Variants in ZDHHC17 observed in about 807,000 individuals in gnomAD.
ZDHHC17 encodes zDHHC palmitoyltransferase 17, also known as palmitoyltransferase ZDHHC17.
ZDHHC17 carries 40 observed loss-of-function variants against 90.3 expected under a neutral mutation model. The observed-to-expected ratio is 0.44, with a 90% CI of 0.34 to 0.58. The LOEUF (loss-of-function observed/expected upper bound fraction) is 0.58, where lower values mean the gene tolerates loss of function less well. Among genes scored for constraint, ZDHHC17 ranks in the 20% least tolerant of loss-of-function variants. The probability of loss-of-function intolerance (pLI) is 0.01; values close to 1 mark genes in which losing one functional copy is unlikely to be tolerated. For synonymous variants in ZDHHC17, 235 were observed against 252.4 expected, an observed-to-expected ratio of 0.93 and a Z score of 0.65; for missense variants, 614 against 780.8, an observed-to-expected ratio of 0.79 and a Z score of 2.55.
Position 76,764,262 on chromosome 12 carries a change from C to G in ZDHHC17, c.26C>G (p.Thr9Ser). MQREEGFN[T>S]KMADGPDEYD... ...ATGCAGCGGGAGGAGGGATTTAACACCAAGATGGCGGACGGCCCGGATGAG... is the reference window on the plus strand; with the variant it reads ...ATGCAGCGGGAGGAGGGATTTAACAGCAAGATGGCGGACGGCCCGGATGAG... Residue 9 changes from threonine (T) to serine (S), a missense_variant, in exon 1 of 17, where the codon ACC becomes AGC. By Grantham distance (58) the Thr-to-Ser change is moderately conservative. Transcript: ENST00000426126. The G allele has an allele frequency of 6.2e-7, 1 of 1,606,056 alleles. No individual in the cohort carries two copies. Among genetic ancestry groups the G allele is most frequent in the Non-Finnish European group, 8.5e-7 (1 of 1,176,382 alleles).
At position 76,815,865 on chromosome 12, in the gene ZDHHC17, C is replaced by A; in HGVS notation, c.617C>A (p.Pro206Gln). Residue 206 changes from proline (P) to glutamine (Q), a missense_variant, in exon 7 of 17, where the codon CCA (proline) becomes CAA (glutamine). Pro to Gln is a moderately conservative substitution (Grantham distance 76). This residue lies in a region of ZDHHC17 where 358 missense variants were observed against 380.4 expected (regional missense o/e 0.94). Transcript: ENST00000426126. The stretch of plus-strand genomic sequence containing the variant: ...TTTTTTTTCCTTTTCAGTGTGGATC[C>A]AACTAGATTGCTTTTAACATTCAAT... ...WAAYRTHSVDPTRLLLTFNVS... is the reference protein window; with the variant it reads ...WAAYRTHSVDQTRLLLTFNVS... 1.3e-6 allele frequency: 2 copies of A among 1,510,420 alleles called. No homozygotes were observed. Among genetic ancestry groups the A allele is most frequent in the East Asian group, 2.4e-5 (1 of 40,952 alleles). The allele number at this position is 1,510,420 out of a possible 1,614,324, so 93.6% of individuals were successfully genotyped here. A position where few individuals can be genotyped will look rare whatever the true frequency, so the allele number is the denominator to read the frequency against.
At chr12:76,826,669 A>C (rs1331063809) in intron 8 of ZDHHC17, among the ~76,000 whole-genome samples, 1 of 152,190 alleles carries the variant, frequency 6.6e-6, no homozygotes, top group African/African-American at 2.4e-5. Flanking sequence ...AACCATATAG[A>C]ACCAACTGCT....
chr12:76,836,152 T>A (rs976052503), intron 10 of ZDHHC17, among the ~76,000 whole-genome samples: 1 of 152,000 alleles, frequency 6.6e-6, no homozygotes, highest in Non-Finnish European at 1.5e-5. Context: ...TTGTCTTTGT[T>A]ATGTTTTGAT....
intron 1 of ZDHHC17, among the ~76,000 whole-genome samples, chr12:76,773,527 A>G (rs1484783576): frequency 6.6e-6 from 1 of 152,192 alleles, no homozygotes; most frequent in African/African-American, 2.4e-5. Context: ...TACTTTTCAC[A>G]GTAGTTCTGC....
At chr12:76,769,093 T>C in intron 1 of ZDHHC17, 1 of 424,750 alleles carries the variant, frequency 2.4e-6, no homozygotes, top group Non-Finnish European at 4.7e-6. Flanking sequence ...AGTTGCGCTC[T>C]TGTTGCCCAG....
intron 1 of ZDHHC17, among the ~76,000 whole-genome samples, chr12:76,790,505 A>G (rs1318684427): frequency 6.6e-6 from 1 of 152,188 alleles, no homozygotes; most frequent in South Asian, 2.1e-4. Flanking sequence ...CTGTCTCTAA[A>G]TAAATAAATA....
At chr12:76,840,104 C>T (rs1592497457) in intron 10 of ZDHHC17, 2 of 152,142 alleles carry the variant, frequency 1.3e-5, no homozygotes, top group Middle Eastern at 6.8e-3. Flanking sequence ...GGTTCTTGTG[C>T]TGCTTAAATG....
intron 10 of ZDHHC17, among the ~76,000 whole-genome samples, chr12:76,832,721 T>C (rs1434777295): frequency 2.0e-5 from 3 of 151,990 alleles, no homozygotes; most frequent in South Asian, 4.1e-4. Flanking sequence ...AAGAGCGTGA[T>C]AGCACTTCAG....
intron 6 of ZDHHC17, 26 bp downstream of exon 6, chr12:76,815,236 T>A (rs760961174): frequency 2.0e-6 from 3 of 1,479,602 alleles, no homozygotes; most frequent in Non-Finnish European, 2.8e-6. Context: ...AAAAAACTTA[T>A]TTAGGCCATT....
At position 76,822,479 on chromosome 12, in the gene ZDHHC17, A is replaced by C. The variant is rs1440122153; in HGVS notation, c.845A>C (p.Gln282Pro). Reference protein sequence around the residue: ...WMINHLQEARQAKGYDNPSFL... With the variant: ...WMINHLQEARPAKGYDNPSFL... ...ATCAACCACTTACAAGAGGCAAGGC[A>C]AGCAAAAGGATATGACAATCCGTCC... The change falls in exon 8 of 17, where the codon CAA becomes CCA. Residue 282 changes from glutamine to proline, a missense_variant. By Grantham distance (76) the Gln-to-Pro change is moderately conservative. Transcript: ENST00000426126. The C allele has an allele frequency of 6.2e-7, 1 of 1,613,346 alleles. No homozygotes were observed. The highest frequency in any genetic ancestry group is 1.7e-5 in the Admixed American group (1 of 59,914).
At chr12:76,803,259 G>GA (rs974038173) in intron 2 of ZDHHC17, among the ~76,000 whole-genome samples, 8 of 148,382 alleles carry the variant, frequency 5.4e-5, no homozygotes, top group South Asian at 2.1e-4. Context: ...TCTCAAAAAA[G>GA]AAAAAAAAAA....
chr12:76,836,518 CCTTT>C (rs928595194), intron 10 of ZDHHC17, among the ~76,000 whole-genome samples: 16 of 151,732 alleles, frequency 1.1e-4, no homozygotes, highest in East Asian at 3.9e-4. Flanking sequence ...TTTTATTAAT[CCTTT>C]CTATTTTCAC....
intron 12 of ZDHHC17, chr12:76,844,594 A>G (rs1037829390): frequency 6.6e-6 from 1 of 152,128 alleles, no homozygotes; most frequent in Admixed American, 6.6e-5. Flanking sequence ...GAGGGTTGGA[A>G]GTGGGGATAG....
intron 1 of ZDHHC17, among the ~76,000 whole-genome samples, chr12:76,766,973 C>T (rs1137641): frequency 0.41 from 60,803 of 149,280 alleles, 12,637 homozygotes; most frequent in East Asian, 0.65. Context: ...GAGCCATGAT[C>T]GAGCAGCTGT....
chr12:76,844,665 A>G (rs1402687768), intron 12 of ZDHHC17: 2 of 152,168 alleles, frequency 1.3e-5, no homozygotes, highest in Non-Finnish European at 2.9e-5. Context: ...ACTGTGGTGA[A>G]GAATAACTTA....
At chr12:76,819,133 G>A (rs1953128022) in intron 7 of ZDHHC17, among the ~76,000 whole-genome samples, 1 of 152,168 alleles carries the variant, frequency 6.6e-6, no homozygotes, top group Non-Finnish European at 1.5e-5. Context: ...TTGGGTAACT[G>A]AGCGTCTTGT....
At position 76,778,383 on chromosome 12, in the gene ZDHHC17, C is replaced by T. The variant is rs554232928; in HGVS notation, c.93+14054C>T. ...TACAGGCATGCACCACCACACCCAGCGAATTTTTTTAGTTTTTAGTAGAGA... is the reference window on the plus strand; with the variant it reads ...TACAGGCATGCACCACCACACCCAGTGAATTTTTTTAGTTTTTAGTAGAGA... On this transcript the variant is annotated intron_variant, in intron 1 of 16. Transcript: ENST00000426126. Among the ~76,000 whole-genome samples, 7 of 152,220 alleles carry T rather than the reference C, an allele frequency of 4.6e-5. No individual in the cohort carries two copies. The South Asian group carries it at 8.3e-4, about 18-fold the overall frequency.
chr12:76,770,102 G>A (rs573412665), intron 1 of ZDHHC17, among the ~76,000 whole-genome samples: 94 of 152,166 alleles, frequency 6.2e-4, no homozygotes, highest in African/African-American at 2.2e-3. Context: ...CTAAAATGGG[G>A]GTATAATAAC....
intron 2 of ZDHHC17, among the ~76,000 whole-genome samples, chr12:76,804,125 C>T (rs1194628741): frequency 6.6e-6 from 1 of 152,190 alleles, no homozygotes; most frequent in Non-Finnish European, 1.5e-5. Flanking sequence ...GACCCATTTA[C>T]AGGTTGGCTA....
Sources: gnomAD v4.1 joint callset for allele counts (sites outside exome capture counted in the v4.1 genomes callset) on GRCh38, gnomAD v4.1.1 for gene constraint, gnomAD v4.1.1 regional missense constraint, MANE v1.5 for transcripts, NCBI Gene and HGNC (gene_info 2026-07-23, HGNC 2026-07-21) for gene names.